Variants in RBMS3 observed in about 807,000 individuals in gnomAD.
RBMS3 encodes RNA-binding motif, single-stranded-interacting protein 3.
In RBMS3, 27 loss-of-function variants were observed where a neutral mutation model predicts 66.8. That is an observed-to-expected ratio of 0.40 (90% confidence interval 0.30 to 0.56). The LOEUF (loss-of-function observed/expected upper bound fraction) is 0.56. Among genes scored for constraint, RBMS3 ranks in the 20% least tolerant of loss-of-function variants. The pLI is 0.40. For synonymous variants in RBMS3, 188 were observed against 183.0 expected (o/e 1.03, Z -0.22); for missense variants, 513 against 549.5 (o/e 0.93, Z 0.66).
Position 29,731,010 on chromosome 3 carries a change from G to A in RBMS3, c.400-8710G>A, listed in dbSNP as rs1414772927. Reference sequence around the variant, plus strand: ...TCTGGCCACCTGTTCCAGGACCAAAGGTAACTTAAATTTAGTCATAAAGGC... The same window carrying A: ...TCTGGCCACCTGTTCCAGGACCAAAAGTAACTTAAATTTAGTCATAAAGGC... On this transcript the variant is annotated intron_variant, in intron 4 of 14. Coordinates refer to ENST00000383767, the MANE Select transcript of RBMS3 (RefSeq NM_001003793.3). 4.1e-6 allele frequency: 4 copies of A among 985,280 alleles called. No individual in the cohort carries two copies. The African/African-American group carries it at 7.0e-5, about 17-fold the overall frequency. The allele number at this position is 985,280 out of a possible 1,614,324, so 61.0% of individuals were successfully genotyped here.
chr3:29,335,711 C>CA (rs1363042085), intron 1 of RBMS3, among the ~76,000 whole-genome samples: 3 of 152,172 alleles, frequency 2.0e-5, no homozygotes, highest in Non-Finnish European at 4.4e-5. Flanking sequence ...CAAAGGCTCA[C>CA]AGCCACCCAG....
intron 3 of RBMS3, among the ~76,000 whole-genome samples, chr3:29,577,629 C>T (rs1000230909): frequency 3.9e-5 from 6 of 152,142 alleles, no homozygotes; most frequent in Non-Finnish European, 8.8e-5. Context: ...AGGTCTGGTC[C>T]AAATGCTCCC....
At chr3:29,800,990 C>T (rs767534583) in intron 6 of RBMS3, among the ~76,000 whole-genome samples, 11 of 135,996 alleles carry the variant, frequency 8.1e-5, no homozygotes, top group African/African-American at 1.9e-4. Flanking sequence ...AGTGTGCATG[C>T]GTGCACACAC....
intron 2 of RBMS3, among the ~76,000 whole-genome samples, chr3:29,481,480 T>A (rs2043127843): frequency 6.6e-6 from 1 of 152,138 alleles, no homozygotes; most frequent in African/African-American, 2.4e-5. Flanking sequence ...CCAGGTATAA[T>A]GGCTTTCTTG....
At position 29,805,997 on chromosome 3, in the gene RBMS3, A is replaced by G. The variant is rs1186841943; in HGVS notation, c.637+43008A>G. ...CCTATACAGGGGTGCCATTTTTAAT[A>G]CTTTGTAACATATTTTTGCTGTACT... On this transcript the variant is annotated intron_variant, in intron 6 of 14. Transcript: ENST00000383767. Among the ~76,000 whole-genome samples, 12 of 152,010 alleles carry G rather than the reference A, an allele frequency of 7.9e-5. 1 individual carries two copies. Among genetic ancestry groups the G allele is most frequent in the Non-Finnish European group, 1.8e-4 (12 of 67,900 alleles).
At chr3:29,589,838 TC>T (rs937018387) in intron 4 of RBMS3, among the ~76,000 whole-genome samples, 2 of 152,080 alleles carry the variant, frequency 1.3e-5, no homozygotes, top group Non-Finnish European at 2.9e-5. Flanking sequence ...ATTTAGTGAC[TC>T]CAGCATTTTA....
At chr3:29,862,318 G>A (rs907244247) in intron 6 of RBMS3, among the ~76,000 whole-genome samples, 15 of 152,240 alleles carry the variant, frequency 9.9e-5, no homozygotes, top group Non-Finnish European at 2.2e-4. Flanking sequence ...TGACCTTACT[G>A]TGAGTAACAT....
intron 4 of RBMS3, among the ~76,000 whole-genome samples, chr3:29,615,763 AG>A (rs1235916128): frequency 6.6e-6 from 1 of 152,168 alleles, no homozygotes; most frequent in African/African-American, 2.4e-5. Context: ...AGTGACCCAG[AG>A]ATATTCAGCA....
chr3:29,461,758 C>T (rs1252902333), intron 2 of RBMS3, among the ~76,000 whole-genome samples: 1 of 147,610 alleles, frequency 6.8e-6, no homozygotes, highest in Non-Finnish European at 1.5e-5. Context: ...TTCTTTCTCT[C>T]TCTCTTTTTT....
At chr3:29,883,280 T>C (rs1368255589) in intron 7 of RBMS3, among the ~76,000 whole-genome samples, 1 of 152,058 alleles carries the variant, frequency 6.6e-6, no homozygotes, top group Non-Finnish European at 1.5e-5. Flanking sequence ...AAGGAGCCCA[T>C]ATCAGAAGAC....
intron 4 of RBMS3, among the ~76,000 whole-genome samples, chr3:29,717,709 C>G (rs2053458964): frequency 6.6e-6 from 1 of 152,112 alleles, no homozygotes; most frequent in Admixed American, 6.6e-5. Flanking sequence ...TTAAAATTCT[C>G]TTACTTACCT....
At chr3:29,771,728 G>A (rs568785846) in intron 6 of RBMS3, among the ~76,000 whole-genome samples, 2 of 152,100 alleles carry the variant, frequency 1.3e-5, no homozygotes, top group South Asian at 4.1e-4. Flanking sequence ...TAGGAAGTGT[G>A]GCTGGAGAAG....
intron 4 of RBMS3, among the ~76,000 whole-genome samples, chr3:29,620,939 T>C (rs2048844900): frequency 6.6e-6 from 1 of 152,172 alleles, no homozygotes; most frequent in South Asian, 2.1e-4. Context: ...AAAATATGCA[T>C]ACCAATTATT....
At chr3:29,585,192 T>C (rs1226679556) in intron 3 of RBMS3, among the ~76,000 whole-genome samples, 3 of 152,130 alleles carry the variant, frequency 2.0e-5, no homozygotes, top group Admixed American at 6.6e-5. Flanking sequence ...ATGAGGAAGA[T>C]TGGCCAACGT....
chr3:29,507,423 AT>A (rs1356631865), intron 3 of RBMS3, among the ~76,000 whole-genome samples: 2 of 152,142 alleles, frequency 1.3e-5, no homozygotes, highest in African/African-American at 2.4e-5. Flanking sequence ...AGAGTATTTT[AT>A]AATTATGTAA....
At chr3:29,568,475 A>G (rs1204493653) in intron 3 of RBMS3, among the ~76,000 whole-genome samples, 4 of 152,256 alleles carry the variant, frequency 2.6e-5, no homozygotes, top group Non-Finnish European at 5.9e-5. Context: ...ATTTCAGCAC[A>G]GTCTAAAAAG....
At chr3:29,963,086 A>G (rs1696593170) in intron 12 of RBMS3, among the ~76,000 whole-genome samples, 1 of 152,014 alleles carries the variant, frequency 6.6e-6, no homozygotes, top group Admixed American at 6.6e-5. Flanking sequence ...TGCAAGATAA[A>G]ATCCCATGGA....
At chr3:29,729,032 G>A (rs934719011) in intron 4 of RBMS3, among the ~76,000 whole-genome samples, 8 of 151,914 alleles carry the variant, frequency 5.3e-5, no homozygotes, top group East Asian at 3.9e-4. Flanking sequence ...TGTGCACAAC[G>A]TGCAGGTTTG....
chr3:29,755,954 T>C (rs1256980322), intron 5 of RBMS3, among the ~76,000 whole-genome samples: 1 of 152,142 alleles, frequency 6.6e-6, no homozygotes, highest in Non-Finnish European at 1.5e-5. Context: ...TTAAATAATT[T>C]TTCTTTTCTC....
Sources: allele counts gnomAD v4.1 joint callset (sites outside exome capture counted in the v4.1 genomes callset), GRCh38; gene constraint gnomAD v4.1.1; transcripts MANE v1.5; gene names NCBI Gene and HGNC (gene_info 2026-07-23, HGNC 2026-07-21).